The following GRIP2 variants were observed in gnomAD, a reference collection of about 807,000 sequenced individuals.
The protein encoded by GRIP2 is glutamate receptor-interacting protein 2.
A neutral mutation model predicts 108.3 loss-of-function variants in GRIP2; 58 were observed. The observed-to-expected ratio is 0.54, with a 90% confidence interval of 0.43 to 0.67. The LOEUF is 0.67. Among genes scored for constraint, GRIP2 ranks in the 30% least tolerant of loss-of-function variants. GRIP2 has a pLI of 0.00. For synonymous variants in GRIP2, 586 were observed against 598.2 expected (o/e 0.98, Z 0.30); for missense variants, 1,278 against 1,430.6 (o/e 0.89, Z 1.72).
chr3:14,503,416 A>G lies in GRIP2; in HGVS notation c.2679+150T>C. 4.8e-6 allele frequency: 3 copies of G among 619,786 alleles called. No individual in the cohort carries two copies. In the South Asian group the frequency reaches 5.9e-5, roughly 12 times the overall value. 38.4% of individuals were successfully genotyped at this position (619,786 alleles called of 1,614,324 possible). A position where few individuals can be genotyped will look rare whatever the true frequency, so the allele number is the denominator to read the frequency against. The stretch of plus-strand genomic sequence containing the variant: ...ATGCACAGTCTGTACATATGTGAAG[A>G]CACCTTTTCCCACAGGGTGCCCAGG... On this transcript the variant is annotated intron_variant, in intron 21 of 23. Transcript: ENST00000621039.
intron 1 of GRIP2, among the ~76,000 whole-genome samples, chr3:14,554,440 A>G (rs1418174907): frequency 1.3e-5 from 2 of 151,676 alleles, no homozygotes; most frequent in Non-Finnish European, 2.9e-5. Context: ...AGAGGACAGC[A>G]GCCTCAATGG....
At chr3:14,499,747 AAAAAAAG>A (rs1245295700) in intron 21 of GRIP2, among the ~76,000 whole-genome samples, 2 of 152,070 alleles carry the variant, frequency 1.3e-5, no homozygotes, top group Non-Finnish European at 2.9e-5. Context: ...CTCCATCTCG[AAAAAAAG>A]AAAAAAGAAA....
intron 1 of GRIP2, among the ~76,000 whole-genome samples, chr3:14,549,814 G>C (rs1695115236): frequency 1.3e-5 from 2 of 152,280 alleles, no homozygotes; most frequent in Non-Finnish European, 1.5e-5. Context: ...TCAGTTCTCT[G>C]GCTCCAAAGC....
intron 1 of GRIP2, among the ~76,000 whole-genome samples, chr3:14,537,791 C>T (rs999561613): frequency 5.9e-5 from 9 of 152,206 alleles, no homozygotes; most frequent in Non-Finnish European, 1.3e-4. Context: ...TGTACACCCA[C>T]ACCCACTGAG....
chr3:14,538,333 T>C (rs12630545), intron 1 of GRIP2, among the ~76,000 whole-genome samples: 9,978 of 152,258 alleles, frequency 0.066, 444 homozygotes, highest in East Asian at 0.15. Context: ...GTGATACAAG[T>C]TGGACCAATG....
the GRIP2 span, among the ~76,000 whole-genome samples, chr3:14,563,953 A>G: frequency 6.6e-6 from 1 of 152,188 alleles, no homozygotes; most frequent in African/African-American, 2.4e-5. Context: ...AAGGATTTCC[A>G]ATAAACCCCT....
chr3:14,585,083 G>A, the GRIP2 span, among the ~76,000 whole-genome samples: 1 of 152,212 alleles, frequency 6.6e-6, no homozygotes, highest in South Asian at 2.1e-4. Flanking sequence ...GGAGTGCAGT[G>A]GCACGATCTC....
intron 21 of GRIP2, among the ~76,000 whole-genome samples, chr3:14,499,799 C>T (rs1478481793): frequency 6.6e-6 from 1 of 151,996 alleles, no homozygotes; most frequent in African/African-American, 2.4e-5. Context: ...ACAGGGGTGT[C>T]CAAACTATTG....
chr3:14,499,197 C>T (rs531875503), intron 21 of GRIP2, among the ~76,000 whole-genome samples: 6 of 152,310 alleles, frequency 3.9e-5, no homozygotes, highest in African/African-American at 1.2e-4. Flanking sequence ...TGAGGAATTA[C>T]TGTCAAAACC....
At chr3:14,502,265 G>C (rs1693786677) in intron 21 of GRIP2, among the ~76,000 whole-genome samples, 1 of 152,170 alleles carries the variant, frequency 6.6e-6, no homozygotes, top group African/African-American at 2.4e-5. Context: ...AGCTGAGGCA[G>C]GTGGATCACT....
At chr3:14,581,879 C>G in the GRIP2 span, among the ~76,000 whole-genome samples, 1 of 152,204 alleles carries the variant, frequency 6.6e-6, no homozygotes, top group African/African-American at 2.4e-5. Flanking sequence ...GTGGTTGTGG[C>G]TCAGCTGATA....
chr3:14,504,317 T>TG, intron 20 of GRIP2, among the ~76,000 whole-genome samples: 1 of 149,750 alleles, frequency 6.7e-6, no homozygotes, highest in African/African-American at 2.5e-5. Flanking sequence ...TTGTTTTTTT[T>TG]TTTTTTTTTT....
intron 20 of GRIP2, among the ~76,000 whole-genome samples, chr3:14,504,729 T>G (rs553066377): frequency 6.6e-6 from 1 of 152,194 alleles, no homozygotes; most frequent in African/African-American, 2.4e-5. Flanking sequence ...TGAAGGACAC[T>G]TGCTCCATTC....
At chr3:14,544,800 T>C (rs1695033244), upstream of GRIP2, among the ~76,000 whole-genome samples, 1 of 152,168 alleles carries the variant, frequency 6.6e-6, no homozygotes, top group African/African-American at 2.4e-5. Flanking sequence ...ACCCATTTTA[T>C]AGATGGGGAA....
intron 21 of GRIP2, among the ~76,000 whole-genome samples, chr3:14,497,512 G>T (rs1693644886): frequency 1.3e-5 from 2 of 152,138 alleles, no homozygotes; most frequent in Non-Finnish European, 2.9e-5. Flanking sequence ...TGTGGTGGGG[G>T]GATCTGGAAG....
the GRIP2 span, among the ~76,000 whole-genome samples, chr3:14,599,681 C>CTGTGTGTGTG: frequency 9.0e-4 from 118 of 130,578 alleles, 1 homozygote; most frequent in Middle Eastern, 3.8e-3. Flanking sequence ...CTCTCTCTCT[C>CTGTGTGTGTG]TCTCTGTGTG....
rs994054969 is a variant in GRIP2 at position 14,491,062 on chromosome 3, T to A, written c.*2603A>T. 6 of 152,232 alleles carry A rather than the reference T, an allele frequency of 3.9e-5. No homozygotes were observed. Among genetic ancestry groups the A allele is most frequent in the African/African-American group, 1.4e-4 (6 of 41,440 alleles). The allele number at this position is 152,232 out of a possible 1,614,324, so 9.4% of individuals were successfully genotyped here. ...GGATGATGGAAGCAAATGGCAAACT[T>A]TTTGAATTAATGAATCATCAAAAGC... On this transcript the variant is annotated 3_prime_UTR_variant, in exon 24 of 24. Transcript: ENST00000621039.
the GRIP2 span, chr3:14,573,615 A>G: frequency 7.4e-6 from 11 of 1,493,674 alleles, no homozygotes; most frequent in South Asian, 1.1e-5. Flanking sequence ...GTTGGTGCCA[A>G]TGCAGCAGGG....
intron 1 of GRIP2, among the ~76,000 whole-genome samples, chr3:14,549,607 G>A (rs1412111926): frequency 6.6e-6 from 1 of 152,210 alleles, no homozygotes; most frequent in Non-Finnish European, 1.5e-5. Flanking sequence ...CATCCTCTAC[G>A]CCCAAGTGGG....
Sources: gnomAD v4.1 joint callset for allele counts (sites outside exome capture counted in the v4.1 genomes callset) on GRCh38, gnomAD v4.1.1 for gene constraint, MANE v1.5 for transcripts, NCBI Gene and HGNC (gene_info 2026-07-23, HGNC 2026-07-21) for gene names.